HIP1R: variants seen among roughly 807,000 people sequenced by gnomAD.
HIP1R encodes huntingtin-interacting protein 1-related protein.
Under a neutral mutation model 144.2 loss-of-function variants are expected in HIP1R, and 135 were observed. That is an observed-to-expected ratio of 0.94 (90% confidence interval 0.81 to 1.08). The LOEUF is 1.08. Among genes scored for constraint, HIP1R ranks in the 50% least tolerant of loss-of-function variants. The pLI is 0.00. For synonymous variants in HIP1R, 698 were observed against 612.8 expected, an observed-to-expected ratio of 1.14 and a Z score of -2.05; for missense variants, 1,462 against 1,432.8, an observed-to-expected ratio of 1.02 and a Z score of -0.33.
intron 3 of HIP1R, 29 bp downstream of exon 3, chr12:122,848,637 C>A: frequency 6.2e-7 from 1 of 1,600,968 alleles, no homozygotes. Context: ...CTCTGCTCCC[C>A]GGAGCTGGGG....
At position 122,835,578 on chromosome 12, in the gene HIP1R, C is replaced by A; in HGVS notation, c.28C>A (p.Arg10=). 7.4e-7 allele frequency: 1 copy of A among 1,343,568 alleles called. No individual in the cohort carries two copies. The allele number at this position is 1,343,568 out of a possible 1,614,324, so 83.2% of individuals were successfully genotyped here. The part of the protein sequence containing the change: MNSIKNVPA[R]VLSRRPGHSL... ...GAACAGCATCAAGAACGTGCCGGCG[C>A]GGGTGCTGAGCCGCAGGCCGGGCCA... The change falls in exon 1 of 32, where the codon CGG becomes AGG. Residue 10 remains arginine (R), a synonymous_variant. Transcript: ENST00000253083.
chr12:122,839,000 G>T (rs2032983021), intron 1 of HIP1R, among the ~76,000 whole-genome samples: 1 of 152,202 alleles, frequency 6.6e-6, no homozygotes. Flanking sequence ...CTCCAGAACT[G>T]CGAGTTTGTG....
rs1256552171 is a variant in HIP1R, at chr12:122,861,801, G to A, written c.*48G>A. 2 of 1,578,282 alleles carry A rather than the reference G, an allele frequency of 1.3e-6. No individual in the cohort carries two copies. The highest frequency in any genetic ancestry group is 1.7e-6 in the Non-Finnish European group (2 of 1,149,268). On this transcript the variant is annotated 3_prime_UTR_variant, in exon 32 of 32. Coordinates refer to ENST00000253083, the MANE Select transcript of HIP1R (RefSeq NM_003959.3). ...TGGCTGGTGACAGGCCTGGGCCTCT[G>A]CAACTGCCCTGACAGGACCGAGAGG...
chr12:122,842,070 T>G (rs1038182337), intron 1 of HIP1R, among the ~76,000 whole-genome samples: 1 of 152,176 alleles, frequency 6.6e-6, no homozygotes, highest in Non-Finnish European at 1.5e-5. Flanking sequence ...TATCCCGGCC[T>G]CCTCAGCTAC....
chr12:122,844,676 G>C (rs1181236504), intron 1 of HIP1R, among the ~76,000 whole-genome samples: 1 of 152,242 alleles, frequency 6.6e-6, no homozygotes, highest in Non-Finnish European at 1.5e-5. Flanking sequence ...TGGGTGCTGA[G>C]TAGCGGACAG....
chr12:122,857,855 AC>A, intron 18 of HIP1R: 1 of 409,444 alleles, frequency 2.4e-6, no homozygotes, highest in Non-Finnish European at 4.3e-6. Flanking sequence ...TTCATGAGCT[AC>A]CTGGCCATTT....
intron 1 of HIP1R, among the ~76,000 whole-genome samples, chr12:122,839,459 G>A (rs2032996676): frequency 6.6e-6 from 1 of 152,220 alleles, no homozygotes; most frequent in African/African-American, 2.4e-5. Context: ...GGCAGGGACT[G>A]TCTAGGGCAG....
chr12:122,848,132 T>TG, intron 2 of HIP1R, 38 bp downstream of exon 2: 1 of 1,604,498 alleles, frequency 6.2e-7, no homozygotes, highest in Non-Finnish European at 8.5e-7. Flanking sequence ...GAGTTGGGTG[T>TG]GGATGTGGGA....
rs545558554 is a variant in HIP1R at position 122,862,784 on chromosome 12, C to T, written c.*1031C>T. 2 of 152,154 alleles carry T rather than the reference C, an allele frequency of 1.3e-5. No homozygotes were observed. The highest frequency in any genetic ancestry group is 4.8e-5 in the African/African-American group (2 of 41,500). 9.4% of individuals were successfully genotyped at this position (152,154 alleles called of 1,614,324 possible). On this transcript the variant is annotated 3_prime_UTR_variant, in exon 32 of 32. Transcript: ENST00000253083. ...CCAGCAGCTGCCATGCCCTCCTGCT[C>T]CCCCCACCCCAGCCCTAGCCCTTTA...
Position 122,835,638 on chromosome 12 carries a change from A to C in HIP1R, c.88A>C (p.Thr30Pro), listed in dbSNP as rs1593853888. The C allele has an allele frequency of 3.6e-6, 4 of 1,124,664 alleles. No individual in the cohort carries two copies. Among genetic ancestry groups the C allele is most frequent in the Non-Finnish European group, 3.3e-6 (3 of 918,380 alleles). The allele number at this position is 1,124,664 out of a possible 1,614,324, so 69.7% of individuals were successfully genotyped here. ...GGCCGAGCGCGAGCAGTTCGACAAGACCCAGGCGAGCGGGCGGCGGGCGGC... is the reference window on the plus strand; with the variant it reads ...GGCCGAGCGCGAGCAGTTCGACAAGCCCCAGGCGAGCGGGCGGCGGGCGGC... ...LEAEREQFDK[T>P]QAISISKAIN... is the part of the protein sequence containing the mutation. Residue 30 changes from threonine (T) to proline (P), a missense_variant, in exon 1 of 32, where the codon ACC (threonine) becomes CCC (proline). Physicochemically the swap from Thr to Pro is conservative, Grantham distance 38 (BLOSUM62 -1). Coordinates refer to ENST00000253083, the MANE Select transcript of HIP1R (RefSeq NM_003959.3).
chr12:122,859,977 C>G, intron 24 of HIP1R, 70 bp from the exon 25 acceptor site: 1 of 1,501,910 alleles, frequency 6.7e-7, no homozygotes. Context: ...CCTGATGTGG[C>G]CAGGCCCGCC....
At position 122,861,798 on chromosome 12, in the gene HIP1R, T is replaced by C; in HGVS notation, c.*45T>C. ...GGGTGGCTGGTGACAGGCCTGGGCC[T>C]CTGCAACTGCCCTGACAGGACCGAG... On this transcript the variant is annotated 3_prime_UTR_variant, in exon 32 of 32. Transcript: ENST00000253083. The C allele has an allele frequency of 6.3e-7, 1 of 1,584,940 alleles. No homozygotes were observed. Among genetic ancestry groups the C allele is most frequent in the Non-Finnish European group, 8.7e-7 (1 of 1,155,104 alleles).
Position 122,857,156 on chromosome 12 carries a change from C to A in HIP1R, c.1756C>A (p.Arg586=), listed in dbSNP as rs375737707. The A allele has an allele frequency of 6.5e-7, 1 of 1,550,266 alleles. No individual in the cohort carries two copies. The highest frequency in any genetic ancestry group is 1.4e-5 in the African/African-American group (1 of 73,050). Reference sequence around the variant, plus strand: ...GCGCGAGACAGAGGCGGCGCTGAGCCGGGAGCAGCAGCGCAGCTCCCAGGA... The same window carrying A: ...GCGCGAGACAGAGGCGGCGCTGAGCAGGGAGCAGCAGCGCAGCTCCCAGGA... ...LVRETEAALS[R]EQQRSSQEQG... The change falls in exon 18 of 32, where the codon CGG becomes AGG. Residue 586 remains arginine (R), a synonymous_variant. Coordinates refer to ENST00000253083, the MANE Select transcript of HIP1R (RefSeq NM_003959.3).
chr12:122,839,885 C>T (rs1448475164), intron 1 of HIP1R, among the ~76,000 whole-genome samples: 2 of 152,228 alleles, frequency 1.3e-5, no homozygotes, highest in Non-Finnish European at 2.9e-5. Flanking sequence ...TTCCAATACT[C>T]ACAGCCCGCA....
At chr12:122,838,321 TAAA>T (rs59855317) in intron 1 of HIP1R, among the ~76,000 whole-genome samples, 1 of 127,624 alleles carries the variant, frequency 7.8e-6, no homozygotes, top group Non-Finnish European at 1.6e-5. Flanking sequence ...TCCCTTTGGT[TAAA>T]AAAAAAAAAA....
chr12:122,851,220 C>A lies in HIP1R; in HGVS notation c.516-16C>A. 2 of 1,495,238 alleles carry A rather than the reference C, an allele frequency of 1.3e-6. No homozygotes were observed. The highest frequency in any genetic ancestry group is 1.8e-6 in the Non-Finnish European group (2 of 1,127,614). The allele number at this position is 1,495,238 out of a possible 1,614,324, so 92.6% of individuals were successfully genotyped here. On this transcript the variant is annotated splice_polypyrimidine_tract_variant and intron_variant, in intron 6 of 31. Coordinates refer to ENST00000253083, the MANE Select transcript of HIP1R (RefSeq NM_003959.3). ...ACCCACCCTTTTTCATTTCTTCCCC[C>A]ACTTCTCTTGCGTAGCTTCCAGCTC...
At chr12:122,861,084 A>G in intron 29 of HIP1R, 45 bp downstream of exon 29, 1 of 1,613,442 alleles carries the variant, frequency 6.2e-7, no homozygotes, top group South Asian at 1.1e-5. Flanking sequence ...CCGAGGCTGA[A>G]TGGGGGTGGG....
Position 122,848,760 on chromosome 12 carries a change from G to A in HIP1R, c.301-36G>A, listed in dbSNP as rs201535038. The A allele has an allele frequency of 5.6e-6, 9 of 1,612,030 alleles. No homozygotes were observed. The East Asian group carries it at 2.0e-4, about 36-fold the overall frequency. On this transcript the variant is annotated intron_variant, in intron 3 of 31. Coordinates refer to ENST00000253083, the MANE Select transcript of HIP1R (RefSeq NM_003959.3). ...TCTCAGGGCCCTGCCACACGGTCCT[G>A]GACACTCCCCCACTCCCGTATTCCC... is the stretch of plus-strand genomic sequence containing the variant.
In HIP1R at chr12:122,856,680, C is replaced by T; in HGVS notation, c.1574C>T (p.Ala525Val). 1 of 1,600,498 alleles carries T rather than the reference C, an allele frequency of 6.2e-7. No homozygotes were observed. Among genetic ancestry groups the T allele is most frequent in the South Asian group, 1.1e-5 (1 of 88,870 alleles). Residue 525 changes from alanine (A) to valine (V), a missense_variant, in exon 17 of 32, where the codon GCC becomes GTC. Coordinates refer to ENST00000253083, the MANE Select transcript of HIP1R (RefSeq NM_003959.3). ...EKLKRELEAK[A>V]GELARAQEAL... ...CTCAAGAGGGAGCTGGAGGCCAAGG[C>T]CGGAGAGCTGGCCCGCGCGCAGGAG...
Sources: gnomAD v4.1 joint callset for allele counts (sites outside exome capture counted in the v4.1 genomes callset) on GRCh38, gnomAD v4.1.1 for gene constraint, MANE v1.5 for transcripts, NCBI Gene and HGNC (gene_info 2026-07-23, HGNC 2026-07-21) for gene names.